Variants in PPARGC1A observed in about 807,000 individuals in gnomAD.
PPARGC1A encodes the protein peroxisome proliferator-activated receptor gamma coactivator 1-alpha.
PPARGC1A carries 25 observed loss-of-function variants against 88.7 expected under a neutral mutation model. The observed-to-expected ratio is 0.28, with a 90% CI of 0.21 to 0.39. The LOEUF (loss-of-function observed/expected upper bound fraction) is 0.39. Ranked by LOEUF, PPARGC1A falls within the 10% of genes least tolerant of loss-of-function variation. The pLI, the probability that PPARGC1A is intolerant of heterozygous loss-of-function variation, is 1.00. For synonymous variants in PPARGC1A, 363 were observed against 355.6 expected (o/e 1.02, Z -0.24); for missense variants, 880 against 968.7 (o/e 0.91, Z 1.22).
At chr4:24,131,048 C>T in the PPARGC1A span, among the ~76,000 whole-genome samples, 3 of 152,224 alleles carry the variant, frequency 2.0e-5, no homozygotes, top group African/African-American at 7.2e-5. Flanking sequence ...ATGGCTCCTT[C>T]ATCACACTGC....
At chr4:24,109,053 C>T in the PPARGC1A span, among the ~76,000 whole-genome samples, 229 of 146,880 alleles carry the variant, frequency 1.6e-3, no homozygotes, top group African/African-American at 5.6e-3. Flanking sequence ...CACACACACA[C>T]ACACCTGAGA....
the PPARGC1A span, among the ~76,000 whole-genome samples, chr4:24,179,975 C>G: frequency 1.3e-5 from 2 of 152,110 alleles, no homozygotes; most frequent in Non-Finnish European, 2.9e-5. Flanking sequence ...AGATCCTACC[C>G]ACCATGCTAC....
At chr4:24,087,222 C>T in the PPARGC1A span, among the ~76,000 whole-genome samples, 1 of 152,200 alleles carries the variant, frequency 6.6e-6, no homozygotes, top group Non-Finnish European at 1.5e-5. Context: ...GGGCCAATCT[C>T]TTATTCTCCC....
At chr4:23,955,159 T>C in the PPARGC1A span, among the ~76,000 whole-genome samples, 1 of 152,112 alleles carries the variant, frequency 6.6e-6, no homozygotes, top group African/African-American at 2.4e-5. Flanking sequence ...CATGGTTATT[T>C]GCAGCATTCT....
chr4:24,385,618 A>G, the PPARGC1A span, among the ~76,000 whole-genome samples: 1 of 152,226 alleles, frequency 6.6e-6, no homozygotes, highest in African/African-American at 2.4e-5. Context: ...AAACACCTCT[A>G]CGCAAATAGA....
At chr4:24,099,161 A>T in the PPARGC1A span, among the ~76,000 whole-genome samples, 1 of 149,564 alleles carries the variant, frequency 6.7e-6, no homozygotes, top group East Asian at 2.0e-4. Flanking sequence ...GCCCCCAGAA[A>T]TAATCAAAAA....
chr4:23,840,234 T>G (rs769409486), intron 2 of PPARGC1A, among the ~76,000 whole-genome samples: 1 of 151,956 alleles, frequency 6.6e-6, no homozygotes, highest in Non-Finnish European at 1.5e-5. Context: ...GGAGAGCGGA[T>G]AGTGCACATA....
chr4:24,172,581 C>T, the PPARGC1A span, among the ~76,000 whole-genome samples: 1 of 152,126 alleles, frequency 6.6e-6, no homozygotes, highest in African/African-American at 2.4e-5. Flanking sequence ...CTTCAGGATT[C>T]CAAGAGGAGG....
chr4:23,961,177 T>C, the PPARGC1A span, among the ~76,000 whole-genome samples: 2 of 152,150 alleles, frequency 1.3e-5, no homozygotes, highest in Non-Finnish European at 2.9e-5. Flanking sequence ...GTACTATCTT[T>C]CCATGAAAGT....
In PPARGC1A at chr4:23,813,047, T is replaced by C. The variant is rs1251050514; in HGVS notation, c.1872A>G (p.Ser624=). 2 of 1,614,080 alleles carry C rather than the reference T, an allele frequency of 1.2e-6. No individual in the cohort carries two copies. The highest frequency in any genetic ancestry group is 2.2e-5 in the East Asian group (1 of 44,868). Residue 624 remains serine (S), a synonymous_variant, in exon 9 of 13, where the codon TCA becomes TCG. Transcript: ENST00000264867. ...TGGGCCGACGGCTGTAGGGCGATCT[T>C]GAACGTGATCTCACATACAAGGGAG... is the stretch of plus-strand genomic sequence containing the variant. ...RNSPLYVRSR[S]RSPYSRRPRY...
chr4:24,209,393 C>T, the PPARGC1A span, among the ~76,000 whole-genome samples: 3 of 152,196 alleles, frequency 2.0e-5, no homozygotes, highest in Non-Finnish European at 2.9e-5. Context: ...TGTTCCTCAG[C>T]AGAGGACATT....
the PPARGC1A span, among the ~76,000 whole-genome samples, chr4:24,337,391 G>A: frequency 6.6e-6 from 1 of 152,190 alleles, no homozygotes; most frequent in Non-Finnish European, 1.5e-5. Flanking sequence ...CCAGTGCTGA[G>A]GATATAAAGA....
chr4:24,386,413 A>T, the PPARGC1A span, among the ~76,000 whole-genome samples: 1 of 152,206 alleles, frequency 6.6e-6, no homozygotes, highest in African/African-American at 2.4e-5. Flanking sequence ...AAGAGAAAGA[A>T]ATAAAGGGTA....
intron 5 of PPARGC1A, among the ~76,000 whole-genome samples, chr4:23,827,076 C>T (rs1209005170): frequency 6.6e-6 from 1 of 152,054 alleles, no homozygotes; most frequent in Non-Finnish European, 1.5e-5. Flanking sequence ...GGTTCTACTC[C>T]AGGAAAAACT....
the PPARGC1A span, among the ~76,000 whole-genome samples, chr4:24,225,863 A>G: frequency 6.6e-6 from 1 of 152,216 alleles, no homozygotes; most frequent in Admixed American, 6.5e-5. Context: ...AGGTGGAATG[A>G]ATATCTGTAC....
At chr4:24,202,484 C>T in the PPARGC1A span, among the ~76,000 whole-genome samples, 1 of 152,268 alleles carries the variant, frequency 6.6e-6, no homozygotes, top group African/African-American at 2.4e-5. Context: ...CCCACTGTCC[C>T]TAGTCTTCTG....
the PPARGC1A span, among the ~76,000 whole-genome samples, chr4:24,329,731 G>T: frequency 6.6e-6 from 1 of 152,162 alleles, no homozygotes; most frequent in African/African-American, 2.4e-5. Flanking sequence ...CACTGGCAGG[G>T]ACTTTGTCTA....
At chr4:24,031,358 A>C in the PPARGC1A span, among the ~76,000 whole-genome samples, 1 of 152,190 alleles carries the variant, frequency 6.6e-6, no homozygotes, top group Non-Finnish European at 1.5e-5. Context: ...TTCTTCTGTC[A>C]CATGACACCT....
the PPARGC1A span, among the ~76,000 whole-genome samples, chr4:23,975,881 A>G: frequency 6.6e-6 from 1 of 152,266 alleles, no homozygotes; most frequent in Non-Finnish European, 1.5e-5. Flanking sequence ...TTCAAATAGC[A>G]TAATGATCTC....
Sources: gnomAD v4.1 joint callset for allele counts (sites outside exome capture counted in the v4.1 genomes callset) on GRCh38, gnomAD v4.1.1 for gene constraint, MANE v1.5 for transcripts, NCBI Gene and HGNC (gene_info 2026-07-23, HGNC 2026-07-21) for gene names.